Variants in PPARGC1A observed in about 807,000 individuals in gnomAD.
PPARGC1A encodes the protein PPARG coactivator 1 alpha, also known as peroxisome proliferator-activated receptor gamma coactivator 1-alpha.
Under a neutral mutation model 88.7 loss-of-function variants are expected in PPARGC1A, and 25 were observed. The observed-to-expected ratio is 0.28, with a 90% CI of 0.21 to 0.39. The LOEUF is 0.39. Among genes scored for constraint, PPARGC1A ranks in the 10% least tolerant of loss-of-function variants. The pLI is 1.00. For missense variants in PPARGC1A, 880 were observed against 968.7 expected (o/e 0.91, Z 1.22); for synonymous variants, 363 against 355.6 (o/e 1.02, Z -0.24).
the PPARGC1A span, among the ~76,000 whole-genome samples, chr4:24,172,752 G>A: frequency 6.6e-6 from 1 of 152,158 alleles, no homozygotes; most frequent in Non-Finnish European, 1.5e-5. Flanking sequence ...CAATAGGTAG[G>A]AAATCAATAA....
intron 5 of PPARGC1A, among the ~76,000 whole-genome samples, chr4:23,826,392 G>T (rs57924591): frequency 0.031 from 4,754 of 152,130 alleles, 106 homozygotes; most frequent in Non-Finnish European, 0.047. Flanking sequence ...TGTAGATTGT[G>T]GTATTTGGGT....
the PPARGC1A span, among the ~76,000 whole-genome samples, chr4:24,458,594 G>A: frequency 1.3e-5 from 2 of 152,212 alleles, no homozygotes; most frequent in Non-Finnish European, 1.5e-5. Flanking sequence ...TGTCTGGAGT[G>A]TAAGTTGGTG....
the PPARGC1A span, among the ~76,000 whole-genome samples, chr4:24,114,720 T>C: frequency 6.6e-6 from 1 of 152,212 alleles, no homozygotes; most frequent in African/African-American, 2.4e-5. Context: ...CATCCCTGAT[T>C]CAGAATGCAC....
chr4:23,986,679 T>C, the PPARGC1A span, among the ~76,000 whole-genome samples: 1 of 152,198 alleles, frequency 6.6e-6, no homozygotes, highest in South Asian at 2.1e-4. Context: ...ATAATGAAAT[T>C]GAGGCTGAGA....
the PPARGC1A span, among the ~76,000 whole-genome samples, chr4:23,913,265 TATAGAGAGAGAGAG>T: frequency 3.3e-3 from 195 of 58,750 alleles, 1 homozygote; most frequent in African/African-American, 9.3e-3. Flanking sequence ...TATATATATA[TATAGAGAGAGAGAG>T]AGAGAGAGAG....
At chr4:24,370,663 C>T in the PPARGC1A span, among the ~76,000 whole-genome samples, 1 of 148,116 alleles carries the variant, frequency 6.8e-6, no homozygotes, top group East Asian at 2.0e-4. Context: ...GACTCCTAAA[C>T]AGATCAGCCA....
In PPARGC1A at chr4:23,861,758, C is replaced by A. The variant is rs1440367278; in HGVS notation, c.234+22994G>T. Among the ~76,000 whole-genome samples the A allele has an allele frequency of 2.0e-5, 3 of 152,138 alleles. No homozygotes were observed. In the East Asian group the frequency reaches 5.8e-4, roughly 29 times the overall value. ...TGCCCACTAAAGGAAGGGGAATGAT[C>A]ACAGCTACGTGCAATTTGTAAGAAA... On this transcript the variant is annotated intron_variant, in intron 2 of 12. Coordinates refer to ENST00000264867, the MANE Select transcript of PPARGC1A (RefSeq NM_013261.5).
At chr4:24,038,209 G>T in the PPARGC1A span, among the ~76,000 whole-genome samples, 2 of 152,130 alleles carry the variant, frequency 1.3e-5, no homozygotes, top group African/African-American at 4.8e-5. Flanking sequence ...AAGTGCCTAG[G>T]GCTTTGCTTC....
the PPARGC1A span, among the ~76,000 whole-genome samples, chr4:24,337,874 C>T: frequency 3.0e-3 from 463 of 152,204 alleles, 6 homozygotes; most frequent in African/African-American, 0.011. Context: ...CTCCGACGAC[C>T]CCATTCCATC....
chr4:23,956,924 C>T, the PPARGC1A span, among the ~76,000 whole-genome samples: 8 of 152,072 alleles, frequency 5.3e-5, no homozygotes, highest in South Asian at 2.1e-4. Context: ...TTCAGACTAG[C>T]GCATGAGGTA....
At chr4:24,342,078 C>T in the PPARGC1A span, among the ~76,000 whole-genome samples, 4 of 152,170 alleles carry the variant, frequency 2.6e-5, no homozygotes, top group Non-Finnish European at 5.9e-5. Flanking sequence ...TCAAAGACTT[C>T]CCACACGTTT....
At chr4:24,218,534 C>T in the PPARGC1A span, among the ~76,000 whole-genome samples, 1 of 152,186 alleles carries the variant, frequency 6.6e-6, no homozygotes, top group Non-Finnish European at 1.5e-5. Context: ...GATGTGGATA[C>T]CCTGTGCAGA....
rs1250565676 is a variant in PPARGC1A, at chr4:23,793,580, T to G, written c.*2242A>C. 1 of 152,276 alleles carries G rather than the reference T, an allele frequency of 6.6e-6. No homozygotes were observed. The highest frequency in any genetic ancestry group is 1.9e-4 in the East Asian group (1 of 5,186). 9.4% of individuals were successfully genotyped at this position (152,276 alleles called of 1,614,324 possible). A position where few individuals can be genotyped will look rare whatever the true frequency, so the allele number is the denominator to read the frequency against. ...AATTGAGTAGTAGGTGTATCATGTC[T>G]TCCAGAAAAGTCATGTCAGCCAAAC... On this transcript the variant is annotated 3_prime_UTR_variant, in exon 13 of 13. Transcript: ENST00000264867.
intron 7 of PPARGC1A, among the ~76,000 whole-genome samples, chr4:23,817,400 T>C (rs1235684121): frequency 6.6e-6 from 1 of 152,174 alleles, no homozygotes; most frequent in East Asian, 1.9e-4. Flanking sequence ...CAGACATTCG[T>C]TGAACACCTA....
At chr4:24,152,080 C>A in the PPARGC1A span, among the ~76,000 whole-genome samples, 1 of 152,130 alleles carries the variant, frequency 6.6e-6, no homozygotes, top group African/African-American at 2.4e-5. Context: ...GATACAAATT[C>A]CCCCATGGGA....
the PPARGC1A span, among the ~76,000 whole-genome samples, chr4:24,456,331 T>C: frequency 6.6e-6 from 1 of 151,818 alleles, no homozygotes; most frequent in African/African-American, 2.4e-5. Flanking sequence ...AGACAAGAGG[T>C]TGAGGGAATT....
the PPARGC1A span, among the ~76,000 whole-genome samples, chr4:24,229,129 G>A: frequency 7.0e-6 from 1 of 143,530 alleles, no homozygotes; most frequent in South Asian, 2.3e-4. Flanking sequence ...AATTGATTAT[G>A]GATGAAGCTT....
chr4:23,937,252 T>A, the PPARGC1A span, among the ~76,000 whole-genome samples: 1 of 152,066 alleles, frequency 6.6e-6, no homozygotes, highest in African/African-American at 2.4e-5. Context: ...GAAATCTGCC[T>A]TTCGTTTATT....
the PPARGC1A span, among the ~76,000 whole-genome samples, chr4:24,083,731 C>T: frequency 6.6e-6 from 1 of 152,204 alleles, no homozygotes; most frequent in Non-Finnish European, 1.5e-5. Flanking sequence ...CTCTGAACTT[C>T]CATCCCACAT....
Sources: gnomAD v4.1 joint callset for allele counts (sites outside exome capture counted in the v4.1 genomes callset) on GRCh38, gnomAD v4.1.1 for gene constraint, MANE v1.5 for transcripts, NCBI Gene and HGNC (gene_info 2026-07-23, HGNC 2026-07-21) for gene names.